SNX7: variants seen among roughly 807,000 people sequenced by gnomAD.
SNX7 encodes sorting nexin 7.
Under a neutral mutation model 48.4 loss-of-function variants are expected in SNX7, and 35 were observed. The observed-to-expected ratio is 0.72, with a 90% CI of 0.55 to 0.96. SNX7 has a LOEUF of 0.96. Among genes scored for constraint, SNX7 ranks in the 40% least tolerant of loss-of-function variants. SNX7 has a pLI of 0.00. For missense variants in SNX7, 553 were observed against 548.9 expected (o/e 1.01, Z -0.07); for synonymous variants, 190 against 190.2 (o/e 1.00, Z 0.01).
At chr1:98,728,234 A>C (rs560700837) in intron 7 of SNX7, among the ~76,000 whole-genome samples, 7 of 152,338 alleles carry the variant, frequency 4.6e-5, no homozygotes, top group African/African-American at 1.7e-4. Context: ...CCAATATTCA[A>C]CATTCTTAAA....
intron 8 of SNX7, among the ~76,000 whole-genome samples, chr1:98,754,196 G>A (rs112567673): frequency 1.6e-4 from 25 of 152,116 alleles, no homozygotes; most frequent in African/African-American, 5.8e-4. Flanking sequence ...ATCCAGTCTT[G>A]CCTTCGTGGG....
rs545182295 is a variant in SNX7 at position 98,745,283 on chromosome 1, A to G, written c.1278+6894A>G. On this transcript the variant is annotated intron_variant, in intron 8 of 8. Coordinates refer to ENST00000306121, the MANE Select transcript of SNX7 (RefSeq NM_015976.5). ...AAGGCTCCTAGGCTGAACCTCTGTC[A>G]AGAGGCACATTCTTTAAAGTTAAAT... Among the ~76,000 whole-genome samples the G allele has an allele frequency of 4.6e-5, 7 of 152,114 alleles. No homozygotes were observed. The South Asian group carries it at 1.5e-3, about 32-fold the overall frequency.
At chr1:98,745,713 C>T (rs1275993936) in intron 8 of SNX7, among the ~76,000 whole-genome samples, 1 of 152,048 alleles carries the variant, frequency 6.6e-6, no homozygotes, top group African/African-American at 2.4e-5. Context: ...CTTGTACCTG[C>T]ATTATCTTAC....
chr1:98,680,644 ATCTC>A (rs1005553381), intron 1 of SNX7, among the ~76,000 whole-genome samples: 4 of 152,122 alleles, frequency 2.6e-5, no homozygotes, highest in African/African-American at 9.7e-5. Context: ...ACCCTAAATC[ATCTC>A]TCTCAAGTTT....
At chr1:98,742,414 C>T (rs1358788707) in intron 8 of SNX7, among the ~76,000 whole-genome samples, 1 of 152,080 alleles carries the variant, frequency 6.6e-6, no homozygotes, top group Non-Finnish European at 1.5e-5. Context: ...TTGGAGATAG[C>T]GCTGTCCTCT....
intron 2 of SNX7, among the ~76,000 whole-genome samples, chr1:98,689,363 A>G (rs961134186): frequency 1.3e-5 from 2 of 152,200 alleles, no homozygotes; most frequent in Non-Finnish European, 2.9e-5. Context: ...GAAATCTTAC[A>G]GTAGGAAGAA....
chr1:98,741,721 A>C (rs140600283), intron 8 of SNX7, among the ~76,000 whole-genome samples: 1 of 152,248 alleles, frequency 6.6e-6, no homozygotes, highest in African/African-American at 2.4e-5. Context: ...TAAAACATCC[A>C]TGCCCTGGAT....
At chr1:98,684,536 T>A (rs1437174328) in intron 1 of SNX7, among the ~76,000 whole-genome samples, 4 of 152,184 alleles carry the variant, frequency 2.6e-5, no homozygotes, top group Non-Finnish European at 5.9e-5. Flanking sequence ...GTACCATTCA[T>A]GAGGGCTCTA....
At chr1:98,697,668 T>C (rs1457362582) in intron 5 of SNX7, among the ~76,000 whole-genome samples, 1 of 152,160 alleles carries the variant, frequency 6.6e-6, no homozygotes, top group African/African-American at 2.4e-5. Flanking sequence ...GGGTTTGAGA[T>C]AGAAAAATAA....
At position 98,662,994 on chromosome 1, in the gene SNX7, T is replaced by G. The variant is rs114962632; in HGVS notation, c.180+1083T>G. Among the ~76,000 whole-genome samples, 163 of 152,316 alleles carry G rather than the reference T, an allele frequency of 1.1e-3. 1 individual carries two copies. Among genetic ancestry groups the G allele is most frequent in the African/African-American group, 3.8e-3 (157 of 41,566 alleles). ...CGAATATTTAAACAGACTATCACAG[T>G]TTTGTGCTCTTGACTTTTCTGTTAA... On this transcript the variant is annotated intron_variant, in intron 1 of 8. Transcript: ENST00000306121.
chr1:98,695,844 C>A, intron 5 of SNX7, 128 bp downstream of exon 5: 1 of 701,118 alleles, frequency 1.4e-6, no homozygotes, highest in Non-Finnish European at 2.5e-6. Context: ...TCCTAGCCAT[C>A]TTATGGACAT....
chr1:98,676,911 C>T (rs1650195807), intron 1 of SNX7, among the ~76,000 whole-genome samples: 1 of 152,070 alleles, frequency 6.6e-6, no homozygotes, highest in Non-Finnish European at 1.5e-5. Context: ...TTTTGGCCTC[C>T]TTTATGATTT....
intron 8 of SNX7, among the ~76,000 whole-genome samples, chr1:98,746,717 A>G (rs1654325232): frequency 6.6e-6 from 1 of 152,070 alleles, no homozygotes; most frequent in Non-Finnish European, 1.5e-5. Flanking sequence ...ACTGCCTTTG[A>G]ACTTATGTTT....
intron 1 of SNX7, among the ~76,000 whole-genome samples, chr1:98,681,906 A>G (rs1409882748): frequency 6.6e-6 from 1 of 152,186 alleles, no homozygotes; most frequent in Non-Finnish European, 1.5e-5. Flanking sequence ...TTTAGGAATA[A>G]TGGGGCAACA....
intron 8 of SNX7, among the ~76,000 whole-genome samples, chr1:98,754,160 A>G (rs12025763): frequency 0.71 from 108,379 of 151,914 alleles, 40,066 homozygotes; most frequent in South Asian, 0.82. Flanking sequence ...ATTTAATATC[A>G]TCATTTGATA....
At chr1:98,685,668 G>A (rs4326639) in intron 2 of SNX7, among the ~76,000 whole-genome samples, 1 of 152,010 alleles carries the variant, frequency 6.6e-6, no homozygotes, top group Non-Finnish European at 1.5e-5. Context: ...AATAGCATTT[G>A]AAAATAATTC....
chr1:98,662,902 A>C (rs1649327280), intron 1 of SNX7: 1 of 1,185,800 alleles, frequency 8.4e-7, no homozygotes, highest in Non-Finnish European at 1.1e-6. Context: ...CTCTGACTCC[A>C]AAGAGGAGTA....
intron 7 of SNX7, among the ~76,000 whole-genome samples, chr1:98,712,409 A>G (rs974606326): frequency 2.0e-5 from 3 of 152,212 alleles, no homozygotes; most frequent in Admixed American, 6.5e-5. Flanking sequence ...ATTAGCTGAC[A>G]TGAAGGCAGT....
At chr1:98,697,973 G>T (rs757057866) in intron 5 of SNX7, among the ~76,000 whole-genome samples, 4 of 152,126 alleles carry the variant, frequency 2.6e-5, no homozygotes, top group Non-Finnish European at 5.9e-5. Flanking sequence ...CAAGCAATTT[G>T]GCTTGAGTTA....
Sources: gnomAD v4.1 joint callset for allele counts (sites outside exome capture counted in the v4.1 genomes callset) on GRCh38, gnomAD v4.1.1 for gene constraint, MANE v1.5 for transcripts, NCBI Gene and HGNC (gene_info 2026-07-23, HGNC 2026-07-21) for gene names.